Variants in ASCC2 observed in about 807,000 individuals in gnomAD.
ASCC2 encodes ASC-1 complex subunit P100.
A neutral mutation model predicts 93.5 loss-of-function variants in ASCC2; 42 were observed. That is an observed-to-expected ratio of 0.45 (90% confidence interval 0.35 to 0.58). The LOEUF is 0.58. ASCC2 is among the 20% of genes least tolerant of loss of function. The pLI is 0.00. For synonymous variants in ASCC2, 364 were observed against 384.2 expected, an observed-to-expected ratio of 0.95 and a Z score of 0.62; for missense variants, 859 against 977.6, an observed-to-expected ratio of 0.88 and a Z score of 1.62.
chr22:29,821,742 C>T (rs2061576089), intron 5 of ASCC2: 1 of 304,228 alleles, frequency 3.3e-6, no homozygotes, highest in Non-Finnish European at 6.5e-6. Context: ...ACACTGTAAT[C>T]TCAGCTGTTC....
chr22:29,813,278 C>T (rs1180468083), intron 8 of ASCC2, 152 bp downstream of exon 8: 1 of 624,652 alleles, frequency 1.6e-6, no homozygotes, highest in Non-Finnish European at 2.8e-6. Context: ...AAGCAGGAGG[C>T]TTATCTGTCG....
rs540710771 is a variant in ASCC2, at chr22:29,806,621, C to T, written c.1017-68G>A. 9.0e-5 allele frequency: 136 copies of T among 1,515,236 alleles called. No homozygotes were observed. The South Asian group carries it at 1.4e-3, about 15-fold the overall frequency. The allele number at this position is 1,515,236 out of a possible 1,614,324, so 93.9% of individuals were successfully genotyped here. ...ATGAGCTGCAGCTCCTTTACACACC[C>T]GCTGCCCCTCTTTAAGGCTGGGGCC... On this transcript the variant is annotated intron_variant, in intron 10 of 19. Coordinates refer to ENST00000307790, the MANE Select transcript of ASCC2 (RefSeq NM_032204.5).
intron 13 of ASCC2, among the ~76,000 whole-genome samples, chr22:29,803,291 A>G (rs1285112830): frequency 6.6e-6 from 1 of 151,856 alleles, no homozygotes; most frequent in East Asian, 1.9e-4. Context: ...AAACAAATAA[A>G]TAATTATATT....
intron 4 of ASCC2, among the ~76,000 whole-genome samples, chr22:29,823,431 C>T (rs2061851012): frequency 6.6e-6 from 1 of 152,142 alleles, no homozygotes; most frequent in African/African-American, 2.4e-5. Flanking sequence ...AGTATGATAT[C>T]TAGGATTGCT....
rs551016889 is a variant in ASCC2 at position 29,813,580 on chromosome 22, T to G, written c.721-38A>C. On this transcript the variant is annotated intron_variant, in intron 7 of 19. Transcript: ENST00000307790. ...GAATACACTGCATTATTCTCCTCTG[T>G]CCACACATACAGATCTGCAGAGCAC... The G allele has an allele frequency of 8.1e-6, 11 of 1,366,180 alleles. No homozygotes were observed. In the African/African-American group the frequency reaches 1.6e-4, roughly 20 times the overall value. 84.6% of individuals were successfully genotyped at this position (1,366,180 alleles called of 1,614,324 possible).
chr22:29,819,933 C>T (rs1316471441), intron 5 of ASCC2, among the ~76,000 whole-genome samples: 1 of 152,012 alleles, frequency 6.6e-6, no homozygotes, highest in Non-Finnish European at 1.5e-5. Flanking sequence ...GATCATAGTT[C>T]ACTACAGCCT....
chr22:29,805,196 G>A (rs1226200651), intron 12 of ASCC2, among the ~76,000 whole-genome samples: 1 of 152,208 alleles, frequency 6.6e-6, no homozygotes, highest in Non-Finnish European at 1.5e-5. Context: ...AACCAGCTGA[G>A]GGCATTCTGC....
At chr22:29,824,251 T>TACACACACACACACACAC (rs60849755) in intron 4 of ASCC2, among the ~76,000 whole-genome samples, 2 of 146,570 alleles carry the variant, frequency 1.4e-5, no homozygotes, top group Middle Eastern at 3.6e-3. Flanking sequence ...ATTTTTTAAA[T>TACACACACACACACACAC]ACACACACAC....
chr22:29,788,711 G>A lies in ASCC2; in HGVS notation c.*302C>T, dbSNP rs901570878. 7 of 430,746 alleles carry A rather than the reference G, an allele frequency of 1.6e-5. No homozygotes were observed. Among genetic ancestry groups the A allele is most frequent in the Non-Finnish European group, 3.0e-5 (7 of 234,890 alleles). The allele number at this position is 430,746 out of a possible 1,614,324, so 26.7% of individuals were successfully genotyped here. ...AAGGGGAAGTGGTGTCTTGTGGCCC[G>A]AGGTTTGGGGCGCTTGCCTTGGGAC... On this transcript the variant is annotated 3_prime_UTR_variant, in exon 20 of 20. Coordinates refer to ENST00000307790, the MANE Select transcript of ASCC2 (RefSeq NM_032204.5).
chr22:29,826,131 C>T (rs535735806), intron 2 of ASCC2: 28 of 184,330 alleles, frequency 1.5e-4, no homozygotes, highest in South Asian at 7.1e-4. Context: ...GCATAGTTTT[C>T]GGTCTTTAAA....
intron 2 of ASCC2, among the ~76,000 whole-genome samples, chr22:29,831,275 A>ATG (rs2063112377): frequency 6.6e-6 from 1 of 152,206 alleles, no homozygotes. Context: ...ATTTAAGGAT[A>ATG]TGTGTCCTAG....
At chr22:29,794,265 G>T (rs553459616) in intron 15 of ASCC2, among the ~76,000 whole-genome samples, 1 of 151,822 alleles carries the variant, frequency 6.6e-6, no homozygotes, top group Admixed American at 6.6e-5. Flanking sequence ...AGGCCGAGGC[G>T]GGTGGATCAC....
chr22:29,838,134 GGGTCCCTTGCCCTGCATCT>G (rs1249825814), intron 1 of ASCC2, 25 bp downstream of exon 1: 2 of 460,180 alleles, frequency 4.3e-6, no homozygotes, highest in Non-Finnish European at 8.7e-6. Flanking sequence ...GGCTCCTCCG[GGGTCCCTTGCCCTGCATCT>G]GGCAGGGACC....
intron 7 of ASCC2, among the ~76,000 whole-genome samples, chr22:29,814,133 G>C (rs1314855187): frequency 6.6e-6 from 1 of 152,230 alleles, no homozygotes; most frequent in African/African-American, 2.4e-5. Flanking sequence ...CAGGAGGACA[G>C]CTCATAGCTG....
At chr22:29,828,486 G>A (rs2062729240) in intron 2 of ASCC2, among the ~76,000 whole-genome samples, 2 of 152,218 alleles carry the variant, frequency 1.3e-5, no homozygotes, top group African/African-American at 4.8e-5. Flanking sequence ...AGAGGCAACT[G>A]AGGCAGGATT....
At chr22:29,810,698 G>A (rs2060183657) in intron 8 of ASCC2, among the ~76,000 whole-genome samples, 1 of 151,996 alleles carries the variant, frequency 6.6e-6, no homozygotes, top group Non-Finnish European at 1.5e-5. Flanking sequence ...TACTCACAGA[G>A]GTACCAAATA....
At chr22:29,800,915 G>A in intron 15 of ASCC2, 76 bp downstream of exon 15, 1 of 1,497,486 alleles carries the variant, frequency 6.7e-7, no homozygotes, top group Admixed American at 2.0e-5. Flanking sequence ...TGCGAAGATG[G>A]AGCCCTTGGT....
intron 5 of ASCC2, 139 bp from the exon 6 acceptor site, chr22:29,816,212 C>G (rs747148694): frequency 8.3e-6 from 6 of 724,740 alleles, no homozygotes; most frequent in Admixed American, 2.3e-5. Flanking sequence ...GGACCTAGGA[C>G]GAGTCCTGGC....
At chr22:29,812,238 T>C (rs2060352298) in intron 8 of ASCC2, among the ~76,000 whole-genome samples, 1 of 152,172 alleles carries the variant, frequency 6.6e-6, no homozygotes. Context: ...TCCCAGAAGC[T>C]GCTACAAATG....
Sources: gnomAD v4.1 joint callset for allele counts (sites outside exome capture counted in the v4.1 genomes callset) on GRCh38, gnomAD v4.1.1 for gene constraint, MANE v1.5 for transcripts, NCBI Gene and HGNC (gene_info 2026-07-23, HGNC 2026-07-21) for gene names.